The following COL25A1 variants were observed in gnomAD, a reference collection of about 807,000 sequenced individuals.
COL25A1 encodes the protein collagen type XXV alpha 1 chain.
COL25A1 carries 103 observed loss-of-function variants against 128.4 expected under a neutral mutation model. The ratio of observed to expected loss-of-function variants is 0.80; its 90% CI spans 0.68 to 0.94. The LOEUF (loss-of-function observed/expected upper bound fraction) is 0.94, where lower values mean the gene tolerates loss of function less well. Among genes scored for constraint, COL25A1 ranks in the 40% least tolerant of loss-of-function variants. The pLI is 0.00. For missense variants in COL25A1, 745 were observed against 840.0 expected (o/e 0.89, Z 1.40); for synonymous variants, 279 against 277.2 (o/e 1.01, Z -0.06).
chr4:109,287,341 G>C (rs1262476708), intron 3 of COL25A1, among the ~76,000 whole-genome samples: 1 of 151,938 alleles, frequency 6.6e-6, no homozygotes, highest in African/African-American at 2.4e-5. Flanking sequence ...TTTGGCACAG[G>C]GTTTCACCCA....
At chr4:109,292,136 G>A (rs922047092) in intron 3 of COL25A1, among the ~76,000 whole-genome samples, 14 of 150,106 alleles carry the variant, frequency 9.3e-5, no homozygotes, top group South Asian at 2.2e-4. Flanking sequence ...GGCCAGCATC[G>A]GGGAGAGAGG....
intron 3 of COL25A1, among the ~76,000 whole-genome samples, chr4:109,052,095 T>G (rs1761053526): frequency 6.6e-6 from 1 of 152,202 alleles, no homozygotes; most frequent in Non-Finnish European, 1.5e-5. Context: ...ATTTGCCATT[T>G]TCTCCCTGAA....
At chr4:108,863,263 G>T in intron 21 of COL25A1, 56 bp downstream of exon 21, 2 of 1,537,504 alleles carry the variant, frequency 1.3e-6, no homozygotes, top group East Asian at 4.5e-5. Context: ...AGTTTTTTGT[G>T]TTCTAAATCA....
chr4:108,831,538 G>A (rs562990153), intron 32 of COL25A1, among the ~76,000 whole-genome samples: 2 of 152,218 alleles, frequency 1.3e-5, no homozygotes, highest in Admixed American at 1.3e-4. Context: ...ACATTTTGAA[G>A]ACTTCACTAT....
intron 11 of COL25A1, among the ~76,000 whole-genome samples, chr4:108,927,002 G>C (rs1746141531): frequency 6.6e-6 from 1 of 152,062 alleles, no homozygotes; most frequent in Non-Finnish European, 1.5e-5. Flanking sequence ...GTATAAACAA[G>C]AGCAGAGCAA....
chr4:108,886,592 C>T (rs761865266), intron 18 of COL25A1, among the ~76,000 whole-genome samples: 3 of 151,784 alleles, frequency 2.0e-5, no homozygotes, highest in Non-Finnish European at 4.4e-5. Flanking sequence ...TAAGTGATAG[C>T]TTTTCAGTTA....
chr4:109,156,242 G>A (rs990462911), intron 3 of COL25A1, among the ~76,000 whole-genome samples: 9 of 152,170 alleles, frequency 5.9e-5, no homozygotes, highest in Non-Finnish European at 1.2e-4. Context: ...TCTCAAGCAC[G>A]TTGTCTTTTC....
rs560772272 is a variant in COL25A1, at chr4:108,971,218, T to C, written c.492+3149A>G. Among the ~76,000 whole-genome samples, 4 of 152,284 alleles carry C rather than the reference T, an allele frequency of 2.6e-5. No homozygotes were observed. The East Asian group carries it at 5.8e-4, about 22-fold the overall frequency. On this transcript the variant is annotated intron_variant, in intron 8 of 37. Transcript: ENST00000399132. Reference sequence around the variant, plus strand: ...CACAGTTTTCTTACTCAGGTACCCATGAAATTATCAGCTTCTTGAGGGCCA... The same window carrying C: ...CACAGTTTTCTTACTCAGGTACCCACGAAATTATCAGCTTCTTGAGGGCCA...
intron 3 of COL25A1, among the ~76,000 whole-genome samples, chr4:109,141,131 T>C (rs1770361241): frequency 6.6e-6 from 1 of 152,114 alleles, no homozygotes; most frequent in African/African-American, 2.4e-5. Context: ...TTATTGAGAG[T>C]TTTTAGCATG....
intron 3 of COL25A1, among the ~76,000 whole-genome samples, chr4:109,214,666 A>C (rs1048071689): frequency 2.0e-5 from 3 of 152,120 alleles, no homozygotes; most frequent in African/African-American, 7.2e-5. Flanking sequence ...CAAGTGGAGA[A>C]AAAAGTATCA....
chr4:108,925,347 T>G, intron 11 of COL25A1, among the ~76,000 whole-genome samples: 1 of 150,342 alleles, frequency 6.7e-6, no homozygotes, highest in Non-Finnish European at 1.5e-5. Flanking sequence ...TTAAATTGTG[T>G]GTGTGGTGGG....
chr4:109,089,145 T>A (rs916738159), intron 3 of COL25A1, among the ~76,000 whole-genome samples: 10 of 152,052 alleles, frequency 6.6e-5, no homozygotes, highest in African/African-American at 2.4e-4. Flanking sequence ...AAAGAAGACA[T>A]GAAGTAGAAA....
chr4:109,158,125 T>C (rs372354500), intron 3 of COL25A1, among the ~76,000 whole-genome samples: 1 of 152,226 alleles, frequency 6.6e-6, no homozygotes, highest in African/African-American at 2.4e-5. Context: ...TTTTTATACA[T>C]ATATTCTACT....
At chr4:108,820,813 T>C (rs1731705887) in intron 35 of COL25A1, among the ~76,000 whole-genome samples, 3 of 151,982 alleles carry the variant, frequency 2.0e-5, no homozygotes, top group Non-Finnish European at 1.5e-5. Flanking sequence ...AATGTAGCTA[T>C]GGAAATTAGT....
intron 3 of COL25A1, among the ~76,000 whole-genome samples, chr4:109,108,251 A>C (rs547533493): frequency 1.0e-3 from 156 of 152,230 alleles, no homozygotes; most frequent in Non-Finnish European, 1.9e-3. Context: ...TCATTGTTCA[A>C]TTCCCACCTA....
intron 3 of COL25A1, among the ~76,000 whole-genome samples, chr4:109,284,923 A>G (rs1723729996): frequency 1.3e-5 from 2 of 151,756 alleles, no homozygotes; most frequent in African/African-American, 4.8e-5. Flanking sequence ...CAGGATTTTC[A>G]TCAGTGCTAA....
At chr4:108,950,017 A>G (rs973815695) in intron 8 of COL25A1, among the ~76,000 whole-genome samples, 2 of 152,228 alleles carry the variant, frequency 1.3e-5, no homozygotes, top group African/African-American at 4.8e-5. Flanking sequence ...AGGCAGGCAG[A>G]CATGAAACAA....
At chr4:109,204,824 A>G (rs973842455) in intron 3 of COL25A1, among the ~76,000 whole-genome samples, 1 of 152,134 alleles carries the variant, frequency 6.6e-6, no homozygotes, top group Non-Finnish European at 1.5e-5. Context: ...CCCAAAAATT[A>G]TTCTTAGTAC....
chr4:109,125,066 G>A (rs1283852103), intron 3 of COL25A1, among the ~76,000 whole-genome samples: 1 of 152,036 alleles, frequency 6.6e-6, no homozygotes, highest in Non-Finnish European at 1.5e-5. Context: ...GTAAGCAGAA[G>A]TGTCTTAAGA....
Sources: gnomAD v4.1 joint callset for allele counts (sites outside exome capture counted in the v4.1 genomes callset) on GRCh38, gnomAD v4.1.1 for gene constraint, MANE v1.5 for transcripts, NCBI Gene and HGNC (gene_info 2026-07-23, HGNC 2026-07-21) for gene names.